The following SLC29A4 variants were observed in gnomAD, a reference collection of about 807,000 sequenced individuals.
SLC29A4 encodes equilibrative nucleoside transporter 4.
In SLC29A4, 36 loss-of-function variants were observed where a neutral mutation model predicts 43.9. The observed-to-expected ratio is 0.82, with a 90% CI of 0.63 to 1.08. The LOEUF is 1.08. Among genes scored for constraint, SLC29A4 ranks in the 50% least tolerant of loss-of-function variants. The pLI is 0.00. For synonymous variants in SLC29A4, 491 were observed against 338.0 expected (o/e 1.45, Z -4.97); for missense variants, 869 against 755.3 (o/e 1.15, Z -1.77).
intron 2 of SLC29A4, among the ~76,000 whole-genome samples, chr7:5,288,656 C>T (rs1447161262): frequency 6.6e-6 from 1 of 152,126 alleles, no homozygotes; most frequent in Non-Finnish European, 1.5e-5. Flanking sequence ...TTGGCCAAAG[C>T]AAGCTATGCC....
chr7:5,291,087 G>C, intron 3 of SLC29A4, 37 bp from the exon 4 acceptor site: 1 of 1,602,610 alleles, frequency 6.2e-7, no homozygotes, highest in Non-Finnish European at 8.5e-7. Flanking sequence ...AGGGGGTGGG[G>C]CCTCCCTGAG....
Position 5,287,881 on chromosome 7 carries a change from T to C in SLC29A4, c.65T>C (p.Val22Ala). ...PSVAGTPDPG[V>A]VMSFTFDSHQ... ...GTGGCAGGCACACCAGACCCGGGCG[T>C]AGTGATGAGCTTCACCTTCGACAGT... The change falls in exon 2 of 11, where the codon GTA becomes GCA. Residue 22 changes from valine (V) to alanine (A), a missense_variant. Physicochemically the swap from Val to Ala is moderately conservative, Grantham distance 64. Coordinates refer to ENST00000396872, the MANE Select transcript of SLC29A4 (RefSeq NM_153247.4). 6.2e-7 allele frequency: 1 copy of C among 1,611,866 alleles called. No homozygotes were observed. Among genetic ancestry groups the C allele is most frequent in the Non-Finnish European group, 8.5e-7 (1 of 1,179,828 alleles).
chr7:5,306,628 C>G lies in SLC29A4; in HGVS notation c.*3689C>G, dbSNP rs1252760918. The G allele has an allele frequency of 6.6e-6, 1 of 152,156 alleles. No homozygotes were observed. Among genetic ancestry groups the G allele is most frequent in the Non-Finnish European group, 1.5e-5 (1 of 68,024 alleles). The allele number at this position is 152,156 out of a possible 1,614,324, so 9.4% of individuals were successfully genotyped here. A position where few individuals can be genotyped will look rare whatever the true frequency, so the allele number is the denominator to read the frequency against. ...GCATTACAGGCGTGAGCCACTGTGCCCAGCCGATGAGCTCATTTAGATGGC... is the reference window on the plus strand; with the variant it reads ...GCATTACAGGCGTGAGCCACTGTGCGCAGCCGATGAGCTCATTTAGATGGC... On this transcript the variant is annotated 3_prime_UTR_variant, in exon 11 of 11. Transcript: ENST00000396872.
At chr7:5,300,301 A>G in intron 9 of SLC29A4, 121 bp from the exon 10 acceptor site, 3 of 1,447,038 alleles carry the variant, frequency 2.1e-6, no homozygotes, top group East Asian at 2.3e-5. Context: ...GCAGGGGTGC[A>G]GGCTGAGCTG....
At chr7:5,297,715 A>T (rs1375451405) in intron 7 of SLC29A4, among the ~76,000 whole-genome samples, 1 of 152,078 alleles carries the variant, frequency 6.6e-6, no homozygotes, top group Non-Finnish European at 1.5e-5. Flanking sequence ...TCCCTGAGGG[A>T]ATGTGGCGGG....
chr7:5,299,705 A>C (rs957998463), intron 9 of SLC29A4, among the ~76,000 whole-genome samples: 1 of 152,206 alleles, frequency 6.6e-6, no homozygotes, highest in Non-Finnish European at 1.5e-5. Context: ...GGGGATGAGC[A>C]CAGGAGGATG....
chr7:5,292,690 CTTTTTTTTTTTT>C (rs1056329272), intron 5 of SLC29A4, among the ~76,000 whole-genome samples: 60 of 67,402 alleles, frequency 8.9e-4, no homozygotes, highest in Non-Finnish European at 1.4e-3. Context: ...CATTTTTTTC[CTTTTTTTTTTTT>C]TTTTTTTTTT....
chr7:5,284,208 A>AC (rs1179545289), intron 1 of SLC29A4, among the ~76,000 whole-genome samples: 2 of 152,068 alleles, frequency 1.3e-5, no homozygotes, highest in Non-Finnish European at 2.9e-5. Context: ...ACAGAGCAAG[A>AC]CCCCACCTCT....
Position 5,291,606 on chromosome 7 carries a change from C to T in SLC29A4, c.416-87C>T, listed in dbSNP as rs577857665. On this transcript the variant is annotated intron_variant, in intron 4 of 10. Transcript: ENST00000396872. ...TAAAGGGGAAGGGCAGAGAAAGCCT[C>T]AGAGCGACTCTGCAGGAGGGGCGAG... 3.0e-4 allele frequency: 453 copies of T among 1,494,444 alleles called. No individual in the cohort carries two copies. In the African/African-American group the frequency reaches 5.4e-3, roughly 18 times the overall value. 92.6% of individuals were successfully genotyped at this position (1,494,444 alleles called of 1,614,324 possible). A position where few individuals can be genotyped will look rare whatever the true frequency, so the allele number is the denominator to read the frequency against.
chr7:5,287,222 G>A (rs1197214396), intron 1 of SLC29A4, among the ~76,000 whole-genome samples: 4 of 152,142 alleles, frequency 2.6e-5, no homozygotes, highest in African/African-American at 9.7e-5. Context: ...AGACCAGCCT[G>A]GGCAATGTAG....
intron 6 of SLC29A4, among the ~76,000 whole-genome samples, chr7:5,296,423 GGCA>G (rs976310115): frequency 9.4e-5 from 14 of 149,120 alleles, no homozygotes; most frequent in African/African-American, 3.5e-4. Context: ...TGCTGTGAGG[GGCA>G]GCTCCTCTTG....
At position 5,283,062 on chromosome 7, in the gene SLC29A4, C is replaced by CCCGGG. The variant is rs1784741978; in HGVS notation, c.-27_-26insGGGCC. On this transcript the variant is annotated 5_prime_UTR_variant, in exon 1 of 11. Transcript: ENST00000396872. ...GCGGCGTGGCGGGCGCGCCGAGGAC[C>CCCGGG]CCAGGCCGGGCCGGGCCGAGGTAAG... 6.8e-6 allele frequency: 1 copy of CCCGGG among 147,048 alleles called. No homozygotes were observed. 9.1% of individuals were successfully genotyped at this position (147,048 alleles called of 1,614,324 possible). A position where few individuals can be genotyped will look rare whatever the true frequency, so the allele number is the denominator to read the frequency against.
intron 9 of SLC29A4, among the ~76,000 whole-genome samples, chr7:5,299,854 C>A (rs1226392490): frequency 6.6e-6 from 1 of 152,204 alleles, no homozygotes; most frequent in Non-Finnish European, 1.5e-5. Context: ...GAGTTCTAGA[C>A]CAACCTTGCC....
At chr7:5,292,675 C>T (rs1345916359) in intron 5 of SLC29A4, among the ~76,000 whole-genome samples, 1 of 123,998 alleles carries the variant, frequency 8.1e-6, no homozygotes, top group African/African-American at 2.9e-5. Context: ...TTCTACCAGC[C>T]AAGACATTTT....
In SLC29A4 at chr7:5,296,872, G is replaced by A. The variant is rs148892347; in HGVS notation, c.620-64G>A. On this transcript the variant is annotated intron_variant, in intron 6 of 10. Coordinates refer to ENST00000396872, the MANE Select transcript of SLC29A4 (RefSeq NM_153247.4). ...GGGTCTGTGTGTGGACGGGGCTGGG[G>A]CGGGACGGGGCGGTGCAGGGAGCTG... The A allele has an allele frequency of 6.7e-4, 993 of 1,477,498 alleles. 7 individuals carry two copies. The African/African-American group carries it at 0.012, about 19-fold the overall frequency. 91.5% of individuals were successfully genotyped at this position (1,477,498 alleles called of 1,614,324 possible).
intron 1 of SLC29A4, 109 bp downstream of exon 1, chr7:5,283,191 C>T (rs780865688): frequency 1.1e-4 from 17 of 149,402 alleles, no homozygotes; most frequent in East Asian, 4.0e-4. Context: ...CGGGCGCTGC[C>T]CCCTCTCCCC....
chr7:5,293,296 C>T (rs6961224), intron 5 of SLC29A4, among the ~76,000 whole-genome samples: 4,039 of 151,760 alleles, frequency 0.027, 187 homozygotes, highest in African/African-American at 0.092. Flanking sequence ...CTCAGCCTCC[C>T]GAGTAGCTGG....
intron 6 of SLC29A4, among the ~76,000 whole-genome samples, chr7:5,296,039 T>C (rs1241801599): frequency 6.6e-6 from 1 of 150,976 alleles, no homozygotes. Context: ...CCCAAGGCCC[T>C]CCCTCCCGGC....
chr7:5,300,047 G>A (rs1460031459), intron 9 of SLC29A4, among the ~76,000 whole-genome samples: 1 of 151,990 alleles, frequency 6.6e-6, no homozygotes, highest in Non-Finnish European at 1.5e-5. Flanking sequence ...ACGAGACTCT[G>A]TCTCAAAAAA....
Sources: allele counts gnomAD v4.1 joint callset (sites outside exome capture counted in the v4.1 genomes callset), GRCh38; gene constraint gnomAD v4.1.1; transcripts MANE v1.5; gene names NCBI Gene and HGNC (gene_info 2026-07-23, HGNC 2026-07-21).